GRM8: variants seen among roughly 807,000 people sequenced by gnomAD.
The protein encoded by GRM8 is metabotropic glutamate receptor 8.
In GRM8, 47 loss-of-function variants were observed where a neutral mutation model predicts 87.2. That is an observed-to-expected ratio of 0.54 (90% CI 0.43 to 0.69). GRM8 has a LOEUF of 0.69. Ranked by LOEUF, GRM8 falls within the 30% of genes least tolerant of loss-of-function variation. The probability of loss-of-function intolerance (pLI) is 0.00; values close to 1 mark genes in which losing one functional copy is unlikely to be tolerated. For synonymous variants in GRM8, 396 were observed against 404.5 expected, an observed-to-expected ratio of 0.98 and a Z score of 0.25; for missense variants, 1,019 against 1,139.2, an observed-to-expected ratio of 0.89 and a Z score of 1.52.
chr7:126,606,279 T>A (rs1258939898), intron 8 of GRM8, among the ~76,000 whole-genome samples: 2 of 152,144 alleles, frequency 1.3e-5, no homozygotes, highest in Non-Finnish European at 2.9e-5. Context: ...AGTAGACTCA[T>A]TATCTATCAG....
At chr7:126,575,599 T>A (rs1028866880) in intron 8 of GRM8, among the ~76,000 whole-genome samples, 3 of 151,916 alleles carry the variant, frequency 2.0e-5, no homozygotes, top group African/African-American at 7.3e-5. Flanking sequence ...GACTCATGAG[T>A]TGTATCTTTG....
chr7:126,714,269 C>T (rs1418126726), intron 7 of GRM8, among the ~76,000 whole-genome samples: 1 of 136,890 alleles, frequency 7.3e-6, no homozygotes, highest in Non-Finnish European at 1.5e-5. Flanking sequence ...CAGAGCAAGA[C>T]TCCATCTCAA....
intron 6 of GRM8, among the ~76,000 whole-genome samples, chr7:126,771,890 T>G (rs548622172): frequency 5.3e-5 from 8 of 152,212 alleles, no homozygotes; most frequent in Admixed American, 4.6e-4. Context: ...ACCCCTTAGC[T>G]GCATGATCTA....
chr7:127,119,937 T>A (rs1423616827), intron 2 of GRM8, among the ~76,000 whole-genome samples: 3 of 152,188 alleles, frequency 2.0e-5, no homozygotes, highest in Admixed American at 2.0e-4. Context: ...TCCAAACCTA[T>A]AAATGCAGTC....
chr7:126,869,161 C>T (rs1798866536), intron 6 of GRM8: 1 of 152,210 alleles, frequency 6.6e-6, no homozygotes, highest in Non-Finnish European at 1.5e-5. Context: ...AGCAGCTCCT[C>T]ATCTGTTCAA....
At chr7:127,015,392 A>G (rs1167016161) in intron 3 of GRM8, among the ~76,000 whole-genome samples, 1 of 152,118 alleles carries the variant, frequency 6.6e-6, no homozygotes, top group East Asian at 1.9e-4. Flanking sequence ...GAGATTTGTG[A>G]TATGCTGATA....
chr7:126,887,333 T>C (rs1800591079), intron 6 of GRM8, among the ~76,000 whole-genome samples: 1 of 152,124 alleles, frequency 6.6e-6, no homozygotes, highest in African/African-American at 2.4e-5. Flanking sequence ...TTTGCCATGT[T>C]AAAGATACTA....
chr7:126,563,901 C>T (rs1437671095), intron 8 of GRM8, among the ~76,000 whole-genome samples: 3 of 152,180 alleles, frequency 2.0e-5, no homozygotes, highest in Non-Finnish European at 4.4e-5. Context: ...AGAGAAAGTG[C>T]TTATCGCTAG....
chr7:127,164,191 C>G (rs980329858), intron 2 of GRM8, among the ~76,000 whole-genome samples: 7 of 152,120 alleles, frequency 4.6e-5, no homozygotes, highest in Non-Finnish European at 8.8e-5. Flanking sequence ...CCTGCTCCCC[C>G]TTTGCCTTCC....
rs117782532 is a variant in GRM8, at chr7:126,549,871, C to T, written c.1495-15984G>A. Among the ~76,000 whole-genome samples, 1,380 of 152,050 alleles carry T rather than the reference C, an allele frequency of 9.1e-3. 12 individuals are homozygous for T. The highest frequency in any genetic ancestry group is 0.031 in the Middle Eastern group (9 of 294). On this transcript the variant is annotated intron_variant, in intron 8 of 10. Transcript: ENST00000339582. ...ATTGCTGAAACATGTGAGAAACCTA[C>T]AAAAATGTGAGTAAAGTTCATTATA...
At chr7:127,057,283 A>G (rs1217757393) in intron 3 of GRM8, among the ~76,000 whole-genome samples, 1 of 152,250 alleles carries the variant, frequency 6.6e-6, no homozygotes, top group Admixed American at 6.5e-5. Flanking sequence ...GAAGAATCAA[A>G]CATCAAATCC....
intron 9 of GRM8, among the ~76,000 whole-genome samples, chr7:126,472,188 C>A (rs1400238383): frequency 6.6e-6 from 1 of 152,118 alleles, no homozygotes; most frequent in Non-Finnish European, 1.5e-5. Flanking sequence ...TTTCCTTCTC[C>A]TGCCTAATTG....
chr7:127,115,785 T>G (rs1387859597), intron 2 of GRM8, among the ~76,000 whole-genome samples: 1 of 152,184 alleles, frequency 6.6e-6, no homozygotes. Context: ...CCTAAAAGTT[T>G]TACTAGCAAG....
chr7:126,990,971 A>T (rs546650260), intron 3 of GRM8, among the ~76,000 whole-genome samples: 1 of 152,360 alleles, frequency 6.6e-6, no homozygotes, highest in East Asian at 1.9e-4. Context: ...TATATAGTTT[A>T]ACTTAAGACA....
intron 3 of GRM8, among the ~76,000 whole-genome samples, chr7:126,915,421 T>A (rs962274393): frequency 6.6e-6 from 1 of 152,196 alleles, no homozygotes; most frequent in Non-Finnish European, 1.5e-5. Flanking sequence ...TTTCATCAAG[T>A]GATATTCACC....
intron 3 of GRM8, among the ~76,000 whole-genome samples, chr7:127,103,166 A>G (rs1002179348): frequency 6.6e-6 from 1 of 152,330 alleles, no homozygotes; most frequent in Non-Finnish European, 1.5e-5. Context: ...TAATGCTACA[A>G]TGAGTTAACA....
At chr7:126,598,702 A>C (rs1353011158) in intron 8 of GRM8, among the ~76,000 whole-genome samples, 3 of 152,116 alleles carry the variant, frequency 2.0e-5, no homozygotes, top group East Asian at 1.9e-4. Context: ...GCTTTGACTT[A>C]GCTCACGGAC....
At chr7:126,844,479 T>C (rs1237324076) in intron 6 of GRM8, among the ~76,000 whole-genome samples, 3 of 152,240 alleles carry the variant, frequency 2.0e-5, no homozygotes, top group Non-Finnish European at 2.9e-5. Flanking sequence ...CTTATGTACA[T>C]GATCTCTTTT....
chr7:126,526,667 C>T (rs1390142488), intron 9 of GRM8, among the ~76,000 whole-genome samples: 1 of 152,140 alleles, frequency 6.6e-6, no homozygotes, highest in African/African-American at 2.4e-5. Flanking sequence ...GATGGCTTCC[C>T]CCAAAAGAAT....
Sources: allele counts gnomAD v4.1 joint callset (sites outside exome capture counted in the v4.1 genomes callset), GRCh38; gene constraint gnomAD v4.1.1; transcripts MANE v1.5; gene names NCBI Gene and HGNC (gene_info 2026-07-23, HGNC 2026-07-21).